KIF5C: variants seen among roughly 807,000 people sequenced by gnomAD.
KIF5C encodes the protein kinesin family member 5C.
A neutral mutation model predicts 125.2 loss-of-function variants in KIF5C; 18 were observed. The observed-to-expected ratio is 0.14, with a 90% CI of 0.10 to 0.21. KIF5C has a LOEUF of 0.21. Ranked by LOEUF, KIF5C falls within the 10% of genes least tolerant of loss-of-function variation. KIF5C has a pLI of 1.00. For missense variants in KIF5C, 780 were observed against 1,183.8 expected, an observed-to-expected ratio of 0.66 and a Z score of 5.01; for synonymous variants, 405 against 434.0, an observed-to-expected ratio of 0.93 and a Z score of 0.83.
At chr2:148,989,342 A>G (rs930346457) in intron 15 of KIF5C, among the ~76,000 whole-genome samples, 30 of 142,694 alleles carry the variant, frequency 2.1e-4, no homozygotes, top group Admixed American at 2.0e-3. Flanking sequence ...GATTTTACAC[A>G]CACACACACA....
At chr2:148,978,258 A>G (rs548870934) in intron 12 of KIF5C, among the ~76,000 whole-genome samples, 1 of 149,026 alleles carries the variant, frequency 6.7e-6, no homozygotes, top group African/African-American at 2.5e-5. Flanking sequence ...GAGTGAGAAG[A>G]GCGAATTTGC....
At chr2:148,902,042 T>TTCACCGGGTTTGCTGC (rs1417821596) in intron 1 of KIF5C, among the ~76,000 whole-genome samples, 1 of 152,238 alleles carries the variant, frequency 6.6e-6, no homozygotes, top group African/African-American at 2.4e-5. Context: ...AAGAGACCTC[T>TTCACCGGGTTTGCTGC]TCACCGGGTT....
chr2:148,953,558 A>G (rs1281401485), intron 10 of KIF5C, among the ~76,000 whole-genome samples: 4 of 152,192 alleles, frequency 2.6e-5, no homozygotes. Context: ...AGCACTTTGA[A>G]CTCAGAAAAG....
chr2:148,976,017 A>G (rs1681055474), intron 12 of KIF5C, among the ~76,000 whole-genome samples: 1 of 152,146 alleles, frequency 6.6e-6, no homozygotes, highest in African/African-American at 2.4e-5. Context: ...ACACAATGTG[A>G]ACAAGTTGGC....
At chr2:148,915,176 T>G (rs1021539375) in intron 1 of KIF5C, among the ~76,000 whole-genome samples, 3 of 152,094 alleles carry the variant, frequency 2.0e-5, no homozygotes, top group Non-Finnish European at 2.9e-5. Context: ...TGGTGGGAAA[T>G]ACGTGAAGTT....
In KIF5C at chr2:149,024,544, G is replaced by GTGTGTGTGTGTA. The variant is rs1682631591; in HGVS notation, c.*1485_*1486insATGTGTGTGTGT. 6.6e-6 allele frequency: 1 copy of GTGTGTGTGTGTA among 151,670 alleles called. No homozygotes were observed. Among genetic ancestry groups the GTGTGTGTGTGTA allele is most frequent in the Admixed American group, 6.6e-5 (1 of 15,152 alleles). 9.4% of individuals were successfully genotyped at this position (151,670 alleles called of 1,614,324 possible). On this transcript the variant is annotated 3_prime_UTR_variant, in exon 26 of 26. Transcript: ENST00000435030. ...TGTGTGTGTGTGTGTGTGTGTGTGT[G>GTGTGTGTGTGTA]TGTGTGTGTGTGTGTGTATGTGTGT...
chr2:148,880,377 T>C (rs1267707762), intron 1 of KIF5C, among the ~76,000 whole-genome samples: 1 of 152,228 alleles, frequency 6.6e-6, no homozygotes, highest in Non-Finnish European at 1.5e-5. Flanking sequence ...TGCCTTGGCC[T>C]CCCAAAGTGC....
At chr2:148,910,026 A>C (rs564253330) in intron 1 of KIF5C, among the ~76,000 whole-genome samples, 47 of 152,314 alleles carry the variant, frequency 3.1e-4, no homozygotes, top group African/African-American at 1.0e-3. Flanking sequence ...TGGCAGCTTT[A>C]ATTTTGGAGT....
chr2:148,892,408 A>G (rs752786287), intron 1 of KIF5C, among the ~76,000 whole-genome samples: 29 of 152,246 alleles, frequency 1.9e-4, no homozygotes, highest in Non-Finnish European at 3.8e-4. Context: ...TGTTGTTCCC[A>G]TTAGCAACCG....
intron 17 of KIF5C, among the ~76,000 whole-genome samples, chr2:148,996,805 C>A (rs1681687197): frequency 6.6e-6 from 1 of 152,180 alleles, no homozygotes; most frequent in African/African-American, 2.4e-5. Context: ...AAACGCCTAC[C>A]CATGGGAGGT....
intron 25 of KIF5C, among the ~76,000 whole-genome samples, chr2:149,015,980 A>G (rs915240093): frequency 6.6e-6 from 1 of 152,254 alleles, no homozygotes; most frequent in African/African-American, 2.4e-5. Context: ...TGGAATAGGA[A>G]CACTGTTTTA....
chr2:148,877,075 G>A (rs1385653180), intron 1 of KIF5C, among the ~76,000 whole-genome samples: 1 of 152,212 alleles, frequency 6.6e-6, no homozygotes. Context: ...TTTCCAGCCC[G>A]GGCGGTCCCC....
chr2:149,014,161 A>T (rs1374502474), intron 25 of KIF5C, among the ~76,000 whole-genome samples: 1 of 152,128 alleles, frequency 6.6e-6, no homozygotes, highest in Non-Finnish European at 1.5e-5. Context: ...AGTAGCTGGG[A>T]TTACAGGCAT....
At chr2:148,963,863 C>T (rs2105133511) in intron 11 of KIF5C, among the ~76,000 whole-genome samples, 1 of 152,302 alleles carries the variant, frequency 6.6e-6, no homozygotes, top group South Asian at 2.1e-4. Flanking sequence ...CATCAAATGC[C>T]ATCCTCTGGG....
intron 11 of KIF5C, among the ~76,000 whole-genome samples, chr2:148,965,263 T>C (rs777589143): frequency 3.3e-5 from 5 of 151,874 alleles, no homozygotes; most frequent in Non-Finnish European, 5.9e-5. Context: ...CATCAGTCTT[T>C]TGGTAGTAAT....
chr2:148,943,904 A>G (rs1410953299), intron 7 of KIF5C, among the ~76,000 whole-genome samples: 1 of 152,206 alleles, frequency 6.6e-6, no homozygotes, highest in East Asian at 1.9e-4. Flanking sequence ...CTATTCCTGG[A>G]TGAAATGTTG....
Position 149,011,586 on chromosome 2 carries a change from C to T in KIF5C, c.2784C>T (p.Pro928=), listed in dbSNP as rs1000086773. The T allele has an allele frequency of 1.3e-5, 21 of 1,613,934 alleles. No homozygotes were observed. Among genetic ancestry groups the T allele is most frequent in the East Asian group, 4.5e-5 (2 of 44,890 alleles). ...HSAQIAKPIR[P]GHYPASSPTA... The stretch of plus-strand genomic sequence containing the variant: ...TGGATACAGCCAAGCCCATCCGCCC[C>T]GGACACTACCCGGCCTCATCTCCAA... Residue 928 remains proline, a synonymous_variant, in exon 25 of 26, where the codon CCC becomes CCT. Transcript: ENST00000435030.
intron 1 of KIF5C, among the ~76,000 whole-genome samples, chr2:148,902,379 C>T (rs888516224): frequency 2.6e-5 from 4 of 151,888 alleles, no homozygotes; most frequent in Admixed American, 2.6e-4. Context: ...TGCAGTGGTG[C>T]GATCTTGACT....
chr2:148,975,769 GT>G (rs1681045723), intron 12 of KIF5C, among the ~76,000 whole-genome samples: 1 of 152,244 alleles, frequency 6.6e-6, no homozygotes, highest in Non-Finnish European at 1.5e-5. Flanking sequence ...GGGCAGACCT[GT>G]GACAATAATG....
Sources: allele counts gnomAD v4.1 joint callset (sites outside exome capture counted in the v4.1 genomes callset), GRCh38; gene constraint gnomAD v4.1.1; transcripts MANE v1.5; gene names NCBI Gene and HGNC (gene_info 2026-07-23, HGNC 2026-07-21).